Variants in RARB observed in about 807,000 individuals in gnomAD.
The protein encoded by RARB is retinoic acid receptor beta, also known as HBV-activated protein.
In RARB, 17 loss-of-function variants were observed where a neutral mutation model predicts 51.9. The ratio of observed to expected loss-of-function variants is 0.33; its 90% CI spans 0.22 to 0.49. The LOEUF is 0.49. Among genes scored for constraint, RARB ranks in the 20% least tolerant of loss-of-function variants. The pLI is 0.99. For synonymous variants in RARB, 215 were observed against 195.4 expected (o/e 1.10, Z -0.84); for missense variants, 369 against 550.8 (o/e 0.67, Z 3.30).
At chr3:25,067,583 A>C (rs565902993) in intron 3 of RARB, among the ~76,000 whole-genome samples, 1 of 152,280 alleles carries the variant, frequency 6.6e-6, no homozygotes, top group South Asian at 2.1e-4. Context: ...TGGATTCCTT[A>C]TGTGTATTGA....
At chr3:24,908,663 GTTT>G (rs59008287) in intron 2 of RARB, among the ~76,000 whole-genome samples, 2,353 of 93,326 alleles carry the variant, frequency 0.025, 40 homozygotes, top group African/African-American at 0.073. Flanking sequence ...AACCACAACT[GTTT>G]TTTTTTTTTT....
intron 5 of RARB, among the ~76,000 whole-genome samples, chr3:25,399,801 C>A (rs866811708): frequency 3.3e-5 from 5 of 152,172 alleles, no homozygotes; most frequent in Admixed American, 1.3e-4. Flanking sequence ...GTCTCACAGG[C>A]AGAGACTGTT....
intron 3 of RARB, among the ~76,000 whole-genome samples, chr3:25,518,275 T>C (rs939176993): frequency 2.9e-4 from 44 of 152,154 alleles, no homozygotes; most frequent in African/African-American, 9.9e-4. Flanking sequence ...GTAAAAATTG[T>C]TTCTGGTAGT....
chr3:25,266,175 T>C (rs1002908100), intron 5 of RARB, among the ~76,000 whole-genome samples: 1 of 152,178 alleles, frequency 6.6e-6, no homozygotes, highest in Non-Finnish European at 1.5e-5. Context: ...AGATCCTGGG[T>C]GTTAGGACAT....
At chr3:25,402,760 T>C (rs1291359982) in intron 5 of RARB, among the ~76,000 whole-genome samples, 1 of 152,038 alleles carries the variant, frequency 6.6e-6, no homozygotes, top group Non-Finnish European at 1.5e-5. Context: ...ATCAAAACAA[T>C]TGAACTCATG....
chr3:25,265,629 T>A (rs1350864593), intron 5 of RARB, among the ~76,000 whole-genome samples: 4 of 152,088 alleles, frequency 2.6e-5, no homozygotes, highest in Admixed American at 1.3e-4. Flanking sequence ...TGCACCCCCA[T>A]GCCTGTCTAA....
In RARB at chr3:25,282,275, A is replaced by C. The variant is rs572844038; in HGVS notation, c.178+107700A>C. Among the ~76,000 whole-genome samples the C allele has an allele frequency of 2.6e-5, 4 of 152,270 alleles. No individual in the cohort carries two copies. The East Asian group carries it at 7.7e-4, about 29-fold the overall frequency. The stretch of plus-strand genomic sequence containing the variant: ...CTTCAAATTCCCCAGTCACACTCCC[A>C]GTGAGGGGCCTTTGCACTGACCATT... On this transcript the variant is annotated intron_variant, in intron 5 of 11. Coordinates refer to the RARB transcript ENST00000383772.
intron 2 of RARB, among the ~76,000 whole-genome samples, chr3:24,973,416 C>T (rs1036286139): frequency 2.0e-5 from 3 of 151,936 alleles, no homozygotes; most frequent in Non-Finnish European, 4.4e-5. Context: ...CCCCAACTTA[C>T]TTCTTTTTGA....
At chr3:25,433,690 C>T (rs1210248935) in intron 1 of RARB, among the ~76,000 whole-genome samples, 1 of 152,106 alleles carries the variant, frequency 6.6e-6, no homozygotes, top group Non-Finnish European at 1.5e-5. Flanking sequence ...CTAAGTACCT[C>T]TTGTTAAATA....
chr3:24,841,241 A>C (rs1367452601), intron 1 of RARB, among the ~76,000 whole-genome samples: 1 of 152,242 alleles, frequency 6.6e-6, no homozygotes, highest in African/African-American at 2.4e-5. Context: ...ATCTCTAAAA[A>C]TATTACATAA....
intron 3 of RARB, among the ~76,000 whole-genome samples, chr3:25,535,951 C>T (rs575474292): frequency 1.4e-3 from 212 of 152,236 alleles, no homozygotes; most frequent in Non-Finnish European, 2.3e-3. Flanking sequence ...GCCCCACCTT[C>T]CATCGTAGGT....
At chr3:25,468,427 C>T (rs1336238170) in intron 2 of RARB, among the ~76,000 whole-genome samples, 3 of 141,536 alleles carry the variant, frequency 2.1e-5, no homozygotes, top group African/African-American at 8.1e-5. Context: ...CTCACAACAG[C>T]TCTGCAAGGT....
At chr3:25,480,989 G>C (rs1385942688) in intron 2 of RARB, among the ~76,000 whole-genome samples, 1 of 152,172 alleles carries the variant, frequency 6.6e-6, no homozygotes, top group Non-Finnish European at 1.5e-5. Flanking sequence ...AGGGAATGCT[G>C]AGTGCTAGCC....
intron 5 of RARB, among the ~76,000 whole-genome samples, chr3:25,229,943 G>A (rs905343187): frequency 2.0e-5 from 3 of 152,132 alleles, no homozygotes; most frequent in African/African-American, 4.8e-5. Context: ...TCTAGCTTTT[G>A]AGATTATCAA....
intron 3 of RARB, among the ~76,000 whole-genome samples, chr3:25,537,513 A>G (rs938736750): frequency 6.6e-6 from 1 of 152,188 alleles, no homozygotes; most frequent in Non-Finnish European, 1.5e-5. Flanking sequence ...CCCATATTGC[A>G]GATGTAGTCA....
At chr3:25,366,275 G>GA (rs1359490555) in intron 5 of RARB, among the ~76,000 whole-genome samples, 1 of 152,188 alleles carries the variant, frequency 6.6e-6, no homozygotes, top group Non-Finnish European at 1.5e-5. Flanking sequence ...AAGTAGTAGA[G>GA]AAAAGATTTG....
intron 4 of RARB, among the ~76,000 whole-genome samples, chr3:25,578,996 T>C (rs1042320184): frequency 6.6e-6 from 1 of 152,226 alleles, no homozygotes; most frequent in Admixed American, 6.5e-5. Context: ...TATCTTAATA[T>C]GTATTCTAAA....
chr3:24,984,362 C>T (rs370336215), intron 2 of RARB, among the ~76,000 whole-genome samples: 1 of 152,074 alleles, frequency 6.6e-6, no homozygotes, highest in African/African-American at 2.4e-5. Flanking sequence ...TTAGTACATA[C>T]CAGTGAGAAG....
chr3:24,879,561 C>A (rs1461792297), intron 2 of RARB, among the ~76,000 whole-genome samples: 1 of 144,862 alleles, frequency 6.9e-6, no homozygotes, highest in Non-Finnish European at 1.5e-5. Context: ...TGGTGGCTCT[C>A]CTCTGTAATC....
Sources: allele counts gnomAD v4.1 joint callset (sites outside exome capture counted in the v4.1 genomes callset), GRCh38; gene constraint gnomAD v4.1.1; transcripts MANE v1.5; gene names NCBI Gene and HGNC (gene_info 2026-07-23, HGNC 2026-07-21).